GABRB1: variants seen among roughly 807,000 people sequenced by gnomAD.
The protein encoded by GABRB1 is gamma-aminobutyric acid receptor subunit beta-1.
In GABRB1, 17 loss-of-function variants were observed where a neutral mutation model predicts 51.6. That is an observed-to-expected ratio of 0.33 (90% confidence interval 0.23 to 0.49). GABRB1 has a LOEUF of 0.49. Among genes scored for constraint, GABRB1 ranks in the 20% least tolerant of loss-of-function variants. GABRB1 has a pLI of 0.99. For synonymous variants in GABRB1, 247 were observed against 218.9 expected, an observed-to-expected ratio of 1.13 and a Z score of -1.14; for missense variants, 410 against 600.6, an observed-to-expected ratio of 0.68 and a Z score of 3.32.
intron 4 of GABRB1, among the ~76,000 whole-genome samples, chr4:47,224,463 A>G (rs1012863424): frequency 2.6e-5 from 4 of 152,152 alleles, no homozygotes; most frequent in African/African-American, 9.7e-5. Context: ...CAGAGTGAGG[A>G]GGTTAATGAA....
At chr4:47,232,595 A>G (rs1323260228) in intron 4 of GABRB1, among the ~76,000 whole-genome samples, 1 of 152,154 alleles carries the variant, frequency 6.6e-6, no homozygotes. Flanking sequence ...TCCTGCATGC[A>G]TTTCAGACTC....
intron 3 of GABRB1, among the ~76,000 whole-genome samples, chr4:47,131,447 C>T (rs773004887): frequency 9.2e-5 from 14 of 152,082 alleles, no homozygotes; most frequent in South Asian, 2.1e-4. Flanking sequence ...TGTGAGCCAC[C>T]GCACCAGGCC....
intron 4 of GABRB1, among the ~76,000 whole-genome samples, chr4:47,182,610 C>T (rs1718999602): frequency 1.3e-5 from 2 of 151,860 alleles, no homozygotes; most frequent in South Asian, 4.2e-4. Flanking sequence ...TTTCTGTTAC[C>T]CTTTGCACAT....
Position 47,320,153 on chromosome 4 carries a change from TG to T in GABRB1, c.490del (p.Asp164IlefsTer72). ...ATCACAACCACAGCTGCATGTATGA[TG>T]GATCTTCGAAGATATCCATTGGATG... Reference protein sequence around the residue: ...LRITTTAACMMDLRRYPLDEQ... With the variant: ...LRITTTAACMXDLRRYPLDEQ... On this transcript the variant is annotated frameshift_variant, in exon 5 of 9. Coordinates refer to ENST00000295454, the MANE Select transcript of GABRB1 (RefSeq NM_000812.4). LOFTEE classifies it high-confidence loss of function. 6.2e-7 allele frequency: 1 copy of T among 1,606,848 alleles called. No homozygotes were observed. The highest frequency in any genetic ancestry group is 8.5e-7 in the Non-Finnish European group (1 of 1,173,264).
At chr4:47,070,808 C>T (rs948320440) in intron 3 of GABRB1, among the ~76,000 whole-genome samples, 2 of 152,132 alleles carry the variant, frequency 1.3e-5, no homozygotes, top group African/African-American at 4.8e-5. Context: ...TGTTTTCCAC[C>T]TACTCCATGA....
chr4:47,252,889 T>C (rs563644082), intron 4 of GABRB1, among the ~76,000 whole-genome samples: 4 of 152,294 alleles, frequency 2.6e-5, no homozygotes, highest in African/African-American at 9.6e-5. Context: ...ATGAGACTTT[T>C]TGAAAAATTA....
chr4:47,311,083 A>AC (rs1724653608), intron 4 of GABRB1, among the ~76,000 whole-genome samples: 1 of 145,946 alleles, frequency 6.9e-6, no homozygotes, highest in African/African-American at 2.5e-5. Flanking sequence ...AAAAAAAAAA[A>AC]CATGAAAAGA....
chr4:47,230,269 A>G (rs4695202), intron 4 of GABRB1, among the ~76,000 whole-genome samples: 52,705 of 151,676 alleles, frequency 0.35, 9,458 homozygotes, highest in African/African-American at 0.39. Context: ...GAGTCTTGAC[A>G]TAAGAAGCAC....
At chr4:47,195,345 C>T (rs1235919515) in intron 4 of GABRB1, among the ~76,000 whole-genome samples, 2 of 150,730 alleles carry the variant, frequency 1.3e-5, no homozygotes, top group Non-Finnish European at 2.9e-5. Context: ...CCAGCCTGGG[C>T]ACAGAGGGAG....
chr4:47,349,811 G>A (rs574339899), intron 5 of GABRB1, among the ~76,000 whole-genome samples: 1 of 152,300 alleles, frequency 6.6e-6, no homozygotes, highest in East Asian at 1.9e-4. Context: ...AGAGGAAAGA[G>A]CATAGATTTT....
chr4:47,221,932 A>T (rs1720782862), intron 4 of GABRB1, among the ~76,000 whole-genome samples: 1 of 152,146 alleles, frequency 6.6e-6, no homozygotes, highest in Non-Finnish European at 1.5e-5. Flanking sequence ...TCTAGAACAC[A>T]TATTTTCTCC....
intron 4 of GABRB1, among the ~76,000 whole-genome samples, chr4:47,245,109 A>C (rs865844539): frequency 8.5e-5 from 13 of 152,238 alleles, no homozygotes; most frequent in Admixed American, 2.0e-4. Flanking sequence ...CAAGACTAAT[A>C]AAGAAGAAAA....
At position 47,259,032 on chromosome 4, in the gene GABRB1, C is replaced by T. The variant is rs542311166; in HGVS notation, c.462-61095C>T. ...GTCATGTCCATCCATATGCAGTTGT[C>T]TTAAGTAAACTGCAGCCTTGAATGG... On this transcript the variant is annotated intron_variant, in intron 4 of 8. Coordinates refer to ENST00000295454, the MANE Select transcript of GABRB1 (RefSeq NM_000812.4). Among the ~76,000 whole-genome samples the T allele has an allele frequency of 3.9e-5, 6 of 152,216 alleles. No individual in the cohort carries two copies. The South Asian group carries it at 1.2e-3, about 32-fold the overall frequency.
At chr4:47,088,445 C>T (rs930181488) in intron 3 of GABRB1, among the ~76,000 whole-genome samples, 2 of 152,150 alleles carry the variant, frequency 1.3e-5, no homozygotes, top group African/African-American at 4.8e-5. Flanking sequence ...AAGATAAAGA[C>T]TGTGGGTGCT....
chr4:47,335,911 A>C (rs982639197), intron 5 of GABRB1, among the ~76,000 whole-genome samples: 4 of 152,122 alleles, frequency 2.6e-5, no homozygotes, highest in Admixed American at 1.3e-4. Flanking sequence ...AGAAGATTTA[A>C]ACCTGGCAAA....
At chr4:47,237,546 T>C (rs1721373363) in intron 4 of GABRB1, among the ~76,000 whole-genome samples, 1 of 152,046 alleles carries the variant, frequency 6.6e-6, no homozygotes, top group South Asian at 2.1e-4. Context: ...TTGTGAAGAT[T>C]TAATATAATT....
chr4:47,079,101 T>C (rs2109562395), intron 3 of GABRB1, among the ~76,000 whole-genome samples: 1 of 152,332 alleles, frequency 6.6e-6, no homozygotes, highest in Admixed American at 6.5e-5. Flanking sequence ...TGCCAGGCTT[T>C]GGTATCAGGA....
chr4:47,329,960 G>C (rs951061509), intron 5 of GABRB1, among the ~76,000 whole-genome samples: 3 of 152,074 alleles, frequency 2.0e-5, no homozygotes, highest in Non-Finnish European at 2.9e-5. Context: ...GCCAACTAGA[G>C]AGCCAATGGT....
chr4:47,276,223 AAT>A (rs1339595251), intron 4 of GABRB1, among the ~76,000 whole-genome samples: 1 of 152,142 alleles, frequency 6.6e-6, no homozygotes, highest in Non-Finnish European at 1.5e-5. Context: ...CCTCTGCAAT[AAT>A]ATGAACATGC....
Sources: gnomAD v4.1 joint callset for allele counts (sites outside exome capture counted in the v4.1 genomes callset) on GRCh38, gnomAD v4.1.1 for gene constraint, MANE v1.5 for transcripts, NCBI Gene and HGNC (gene_info 2026-07-23, HGNC 2026-07-21) for gene names.